AK5: variants seen among roughly 807,000 people sequenced by gnomAD.
AK5 encodes adenylate kinase 5, also known as adenylate kinase isoenzyme 5.
A neutral mutation model predicts 69.5 loss-of-function variants in AK5; 27 were observed. That is an observed-to-expected ratio of 0.39 (90% CI 0.29 to 0.54). The LOEUF is 0.54. Ranked by LOEUF, AK5 falls within the 20% of genes least tolerant of loss-of-function variation. The pLI, the probability that AK5 is intolerant of heterozygous loss-of-function variation, is 0.71. For synonymous variants in AK5, 260 were observed against 244.4 expected, an observed-to-expected ratio of 1.06 and a Z score of -0.60; for missense variants, 531 against 700.4, an observed-to-expected ratio of 0.76 and a Z score of 2.73.
intron 6 of AK5, among the ~76,000 whole-genome samples, chr1:77,341,380 G>A (rs752814482): frequency 1.3e-5 from 2 of 152,234 alleles, no homozygotes; most frequent in Non-Finnish European, 2.9e-5. Flanking sequence ...TTGACAGCTA[G>A]ATGGTGGCAG....
At chr1:77,522,908 T>A (rs1658074974) in intron 12 of AK5, among the ~76,000 whole-genome samples, 1 of 152,136 alleles carries the variant, frequency 6.6e-6, no homozygotes, top group Non-Finnish European at 1.5e-5. Flanking sequence ...ATAACCTTTT[T>A]AGATAGATAG....
chr1:77,548,645 A>T (rs1659662050), intron 13 of AK5, among the ~76,000 whole-genome samples: 1 of 152,204 alleles, frequency 6.6e-6, no homozygotes, highest in Non-Finnish European at 1.5e-5. Flanking sequence ...GTCTGGGAAA[A>T]TTCAGGAAAA....
intron 6 of AK5, chr1:77,349,288 A>G (rs1174020074): frequency 6.6e-6 from 1 of 152,200 alleles, no homozygotes; most frequent in African/African-American, 2.4e-5. Flanking sequence ...TAAAATAAAC[A>G]TTAAAAAAAA....
Position 77,521,898 on chromosome 1 carries a change from C to T in AK5, c.1383C>T (p.Asp461=), listed in dbSNP as rs767975765. 36 of 1,613,056 alleles carry T rather than the reference C, an allele frequency of 2.2e-5. No individual in the cohort carries two copies. The highest frequency in any genetic ancestry group is 1.1e-4 in the East Asian group (5 of 44,844). ...SLGDTRGFLI[D]GYPREVKQGE... is the part of the protein sequence containing the mutation. ...GGGACACCAGGGGCTTCCTGATTGA[C>T]GGCTATCCTCGGGAGGTGAAGCAAG... The change falls in exon 12 of 14, where the codon GAC becomes GAT. Residue 461 remains aspartate (D), a synonymous_variant. Transcript: ENST00000354567.
rs80111985 is a variant in AK5 at position 77,386,924 on chromosome 1, T to C, written c.892-24057T>C. 8.1e-3 allele frequency among the ~76,000 whole-genome samples: 1,234 copies of C among 152,306 alleles called. 19 individuals are homozygous for C. Among genetic ancestry groups the C allele is most frequent in the African/African-American group, 0.028 (1,145 of 41,576 alleles). ...GTGTTCAAATTTTTTCTCTCTCACATGTAAGTGAGAACATGCAATATTTGT... is the reference window on the plus strand; with the variant it reads ...GTGTTCAAATTTTTTCTCTCTCACACGTAAGTGAGAACATGCAATATTTGT... On this transcript the variant is annotated intron_variant, in intron 6 of 13. Coordinates refer to ENST00000354567, the MANE Select transcript of AK5 (RefSeq NM_174858.3).
intron 10 of AK5, among the ~76,000 whole-genome samples, chr1:77,511,816 G>A (rs984382511): frequency 8.5e-5 from 13 of 152,206 alleles, no homozygotes; most frequent in African/African-American, 3.1e-4. Flanking sequence ...AAAGTTGCTA[G>A]AAAGGGGCTG....
intron 6 of AK5, among the ~76,000 whole-genome samples, chr1:77,367,630 A>ATATATATGTTATGTTATATATGTTAT (rs1557533097): frequency 1.2e-4 from 7 of 56,042 alleles, no homozygotes; most frequent in South Asian, 6.4e-4. Context: ...TTATATATGT[A>ATATATATGTTATGTTATATATGTTAT]ATATATATGT....
chr1:77,288,995 A>G (rs1379403579), intron 2 of AK5, among the ~76,000 whole-genome samples: 6 of 152,176 alleles, frequency 3.9e-5, no homozygotes, highest in Admixed American at 3.3e-4. Context: ...TTTGCACCAA[A>G]TATTTTTATT....
intron 8 of AK5, among the ~76,000 whole-genome samples, chr1:77,474,851 C>T (rs1654746902): frequency 6.6e-6 from 1 of 152,088 alleles, no homozygotes; most frequent in Admixed American, 6.6e-5. Context: ...TTCACCCAGG[C>T]TAGAGCACAG....
intron 6 of AK5, among the ~76,000 whole-genome samples, chr1:77,386,177 C>T (rs1307671096): frequency 6.6e-6 from 1 of 152,076 alleles, no homozygotes; most frequent in African/African-American, 2.4e-5. Flanking sequence ...TCTTTGAGCC[C>T]TTAGTAAATC....
chr1:77,368,283 TTA>T lies in AK5; in HGVS notation c.891+27723_891+27724del, dbSNP rs1290952507. On this transcript the variant is annotated intron_variant, in intron 6 of 13. Coordinates refer to ENST00000354567, the MANE Select transcript of AK5 (RefSeq NM_174858.3). Reference sequence around the variant, plus strand: ...ATATGTTATATATATGTTATATATGTTATATATATGTTATATATAATATATAT... The same window carrying T: ...ATATGTTATATATATGTTATATATGTTATATATGTTATATATAATATATAT... 7.0e-3 allele frequency among the ~76,000 whole-genome samples: 658 copies of T among 93,916 alleles called. 15 individuals carry two copies. The highest frequency in any genetic ancestry group is 0.022 in the African/African-American group (599 of 27,202). 61.6% of individuals were successfully genotyped at this position (93,916 alleles called of 152,430 possible). A position where few individuals can be genotyped will look rare whatever the true frequency, so the allele number is the denominator to read the frequency against.
At chr1:77,471,306 C>G (rs1221828980) in intron 8 of AK5, among the ~76,000 whole-genome samples, 1 of 152,106 alleles carries the variant, frequency 6.6e-6, no homozygotes, top group Non-Finnish European at 1.5e-5. Context: ...TAAGACACAG[C>G]TTTAGATCTG....
chr1:77,500,348 G>A (rs1656638071), intron 10 of AK5, among the ~76,000 whole-genome samples: 1 of 152,160 alleles, frequency 6.6e-6, no homozygotes, highest in Admixed American at 6.5e-5. Flanking sequence ...CCACCATTAG[G>A]TAGCTGGCAC....
Position 77,518,689 on chromosome 1 carries a change from A to G in AK5, c.1273A>G (p.Ile425Val). 1 of 1,614,186 alleles carries G rather than the reference A, an allele frequency of 6.2e-7. No individual in the cohort carries two copies. Among genetic ancestry groups the G allele is most frequent in the Non-Finnish European group, 8.5e-7 (1 of 1,180,026 alleles). The change falls in exon 11 of 14, where the codon ATC becomes GTC. Residue 425 changes from isoleucine (I) to valine (V), a missense_variant. Ile to Val is a conservative substitution (Grantham distance 29). Coordinates refer to ENST00000354567, the MANE Select transcript of AK5 (RefSeq NM_174858.3). ...LASESERSKL[I>V]RDIMERGDLV... The stretch of plus-strand genomic sequence containing the variant: ...ATCAGAATCTGAAAGAAGCAAATTG[A>G]TCAGAGACATTATGGAACGTGGAGA...
chr1:77,497,182 G>A (rs1390578298), intron 10 of AK5, among the ~76,000 whole-genome samples: 6 of 152,164 alleles, frequency 3.9e-5, no homozygotes, highest in East Asian at 3.8e-4. Flanking sequence ...AAACAACTCC[G>A]GACGTGCCAC....
At chr1:77,534,776 A>C (rs1194867875) in intron 12 of AK5, among the ~76,000 whole-genome samples, 1 of 152,218 alleles carries the variant, frequency 6.6e-6, no homozygotes, top group African/African-American at 2.4e-5. Flanking sequence ...AGTGCACTAT[A>C]ATTATGCCAT....
chr1:77,375,711 C>CAT (rs1215384028), intron 6 of AK5, among the ~76,000 whole-genome samples: 2 of 152,144 alleles, frequency 1.3e-5, no homozygotes, highest in African/African-American at 2.4e-5. Context: ...TTTCCTCCTA[C>CAT]AGCCACACAA....
chr1:77,398,586 C>T (rs1490985643), intron 6 of AK5, among the ~76,000 whole-genome samples: 1 of 152,148 alleles, frequency 6.6e-6, no homozygotes, highest in Non-Finnish European at 1.5e-5. Context: ...TTCAGCTTGA[C>T]GAGTATTTGT....
rs934311224 is a variant in AK5, at chr1:77,418,883, A to G, written c.1059+1168A>G. Among the ~76,000 whole-genome samples the G allele has an allele frequency of 6.6e-5, 10 of 152,326 alleles. No individual in the cohort carries two copies. The South Asian group carries it at 1.7e-3, about 25-fold the overall frequency. On this transcript the variant is annotated intron_variant, in intron 8 of 13. Transcript: ENST00000354567. The stretch of plus-strand genomic sequence containing the variant: ...AGTTCTTTCCTTATAGCACAAAGCA[A>G]GGAGATGATGTTGGCAAGTGCTATA...
Sources: gnomAD v4.1 joint callset for allele counts (sites outside exome capture counted in the v4.1 genomes callset) on GRCh38, gnomAD v4.1.1 for gene constraint, MANE v1.5 for transcripts, NCBI Gene and HGNC (gene_info 2026-07-23, HGNC 2026-07-21) for gene names.